RAB1B: variants seen among roughly 807,000 people sequenced by gnomAD.
RAB1B encodes the protein RAB1B, member RAS oncogene family, also known as ras-related protein Rab-1B.
Under a neutral mutation model 24.8 loss-of-function variants are expected in RAB1B, and 10 were observed. That is an observed-to-expected ratio of 0.40 (90% CI 0.25 to 0.68). The LOEUF is 0.68. RAB1B is among the 30% of genes least tolerant of loss of function. RAB1B has a pLI of 0.37. For synonymous variants in RAB1B, 99 were observed against 111.7 expected, an observed-to-expected ratio of 0.89 and a Z score of 0.72; for missense variants, 154 against 271.2, an observed-to-expected ratio of 0.57 and a Z score of 3.04.
intron 4 of RAB1B, among the ~76,000 whole-genome samples, chr11:66,273,573 A>T (rs575369280): frequency 6.6e-6 from 1 of 152,020 alleles, no homozygotes; most frequent in African/African-American, 2.4e-5. Context: ...GTGCTTCCCC[A>T]CTGCCCTGGA....
chr11:66,269,723 C>T (rs537001087), intron 1 of RAB1B: 1 of 152,358 alleles, frequency 6.6e-6, no homozygotes, highest in South Asian at 2.1e-4. Context: ...CTTCCCTTCT[C>T]TGGCCTCTGG....
intron 1 of RAB1B, chr11:66,271,521 A>T: frequency 4.4e-6 from 1 of 224,968 alleles, no homozygotes. Flanking sequence ...AAAATTAGCT[A>T]GAAGTGGTGG....
In RAB1B at chr11:66,274,790, G is replaced by A. The variant is rs1857115930; in HGVS notation, c.280-1014G>A. 2.5e-5 allele frequency among the ~76,000 whole-genome samples: 3 copies of A among 118,526 alleles called. No individual in the cohort carries two copies. The Admixed American group carries it at 3.5e-4, about 14-fold the overall frequency. 77.8% of individuals were successfully genotyped at this position (118,526 alleles called of 152,430 possible). On this transcript the variant is annotated intron_variant, in intron 4 of 5. Transcript: ENST00000311481. ...TTCCCCCTCCCTGTCCCCCCTCCCT[G>A]TTGAGTGTCTGCATCCCAGCAACAT...
rs375792546 is a variant in RAB1B, at chr11:66,272,353, A to G, written c.184-12A>G. On this transcript the variant is annotated splice_polypyrimidine_tract_variant and intron_variant, in intron 3 of 5. Coordinates refer to ENST00000311481, the MANE Select transcript of RAB1B (RefSeq NM_030981.3). ...CCTCAGCTGACCTGCTCCTCTGCCTACTGTCTCCTAGTGGGACACAGCGGG... is the reference window on the plus strand; with the variant it reads ...CCTCAGCTGACCTGCTCCTCTGCCTGCTGTCTCCTAGTGGGACACAGCGGG... 162 of 1,611,244 alleles carry G rather than the reference A, an allele frequency of 1.0e-4. No homozygotes were observed. The highest frequency in any genetic ancestry group is 1.3e-4 in the Admixed American group (8 of 59,960).
rs1857162725 is a variant in RAB1B, at chr11:66,277,055, C to T, written c.*817C>T. The T allele has an allele frequency of 6.5e-6, 1 of 152,834 alleles. No individual in the cohort carries two copies. The highest frequency in any genetic ancestry group is 2.4e-5 in the African/African-American group (1 of 41,460). 9.5% of individuals were successfully genotyped at this position (152,834 alleles called of 1,614,324 possible). A position where few individuals can be genotyped will look rare whatever the true frequency, so the allele number is the denominator to read the frequency against. On this transcript the variant is annotated 3_prime_UTR_variant, in exon 6 of 6. Transcript: ENST00000311481. The stretch of plus-strand genomic sequence containing the variant: ...TCTGCTAGCACCTCCTCCCTTTCCC[C>T]AAGGTAGCACATCTGGCTCACTCCC...
chr11:66,276,328 G>C lies in RAB1B; in HGVS notation c.*90G>C, dbSNP rs1035499520. The C allele has an allele frequency of 1.9e-5, 24 of 1,270,688 alleles. No individual in the cohort carries two copies. In the African/African-American group the frequency reaches 3.6e-4, roughly 19 times the overall value. The allele number at this position is 1,270,688 out of a possible 1,614,324, so 78.7% of individuals were successfully genotyped here. A position where few individuals can be genotyped will look rare whatever the true frequency, so the allele number is the denominator to read the frequency against. On this transcript the variant is annotated 3_prime_UTR_variant, in exon 6 of 6. Transcript: ENST00000311481. ...GAGGTACCTCCCTCTCCCTCTCCTGGGGCATTTGAGTCTGTGGCTTTGGGG... is the reference window on the plus strand; with the variant it reads ...GAGGTACCTCCCTCTCCCTCTCCTGCGGCATTTGAGTCTGTGGCTTTGGGG...
Position 66,268,742 on chromosome 11 carries a change from C to G in RAB1B, c.14+49C>G, listed in dbSNP as rs920329770. 3.3e-6 allele frequency: 5 copies of G among 1,529,996 alleles called. No homozygotes were observed. The African/African-American group carries it at 5.6e-5, about 17-fold the overall frequency. 94.8% of individuals were successfully genotyped at this position (1,529,996 alleles called of 1,614,324 possible). A position where few individuals can be genotyped will look rare whatever the true frequency, so the allele number is the denominator to read the frequency against. ...TCCAGCGCAGCCTCGATCCCGAATA[C>G]AGGGCTGTACGCTTACCGGGGTTGT... On this transcript the variant is annotated intron_variant, in intron 1 of 5. Transcript: ENST00000311481.
At chr11:66,272,514 CTCT>C in intron 4 of RAB1B, 54 bp downstream of exon 4, 1 of 1,198,282 alleles carries the variant, frequency 8.3e-7, no homozygotes, top group Non-Finnish European at 1.2e-6. Context: ...AGGTCTTTGA[CTCT>C]TCTTTTTCCT....
Position 66,277,132 on chromosome 11 carries a change from T to A in RAB1B, c.*894T>A, listed in dbSNP as rs1270383283. 6.5e-6 allele frequency: 1 copy of A among 152,792 alleles called. No homozygotes were observed. The highest frequency in any genetic ancestry group is 1.5e-5 in the Non-Finnish European group (1 of 68,136). 9.5% of individuals were successfully genotyped at this position (152,792 alleles called of 1,614,324 possible). On this transcript the variant is annotated 3_prime_UTR_variant, in exon 6 of 6. Transcript: ENST00000311481. ...AAGGCCCTCATCCCCTGCCGCTACTTCTCTGGGGAATGTGGGTTCCATCCA... is the reference window on the plus strand; with the variant it reads ...AAGGCCCTCATCCCCTGCCGCTACTACTCTGGGGAATGTGGGTTCCATCCA...
chr11:66,276,594 T>G lies in RAB1B; in HGVS notation c.*356T>G. The G allele has an allele frequency of 4.6e-6, 1 of 217,606 alleles. No individual in the cohort carries two copies. Among genetic ancestry groups the G allele is most frequent in the Non-Finnish European group, 9.0e-6 (1 of 111,486 alleles). The allele number at this position is 217,606 out of a possible 1,614,324, so 13.5% of individuals were successfully genotyped here. A position where few individuals can be genotyped will look rare whatever the true frequency, so the allele number is the denominator to read the frequency against. ...GCTGCACTGGGTTCTCTCCTTCTTC[T>G]TCCTGCTGTCCTGCCCAAGAACTGA... is the stretch of plus-strand genomic sequence containing the variant. On this transcript the variant is annotated 3_prime_UTR_variant, in exon 6 of 6. Coordinates refer to ENST00000311481, the MANE Select transcript of RAB1B (RefSeq NM_030981.3).
At chr11:66,274,605 A>T (rs1230266594) in intron 4 of RAB1B, among the ~76,000 whole-genome samples, 1 of 151,954 alleles carries the variant, frequency 6.6e-6, no homozygotes, top group Admixed American at 6.6e-5. Context: ...CATAGGTGTG[A>T]TCCTGTTGCT....
At chr11:66,269,509 G>T (rs945878471) in intron 1 of RAB1B, among the ~76,000 whole-genome samples, 1 of 152,200 alleles carries the variant, frequency 6.6e-6, no homozygotes, top group Non-Finnish European at 1.5e-5. Flanking sequence ...TTTTCCCCAA[G>T]TATCAGTTAT....
At position 66,276,035 on chromosome 11, in the gene RAB1B, C is replaced by T. The variant is rs754375900; in HGVS notation, c.412-9C>T. The T allele has an allele frequency of 1.2e-6, 2 of 1,611,802 alleles. No individual in the cohort carries two copies. The highest frequency in any genetic ancestry group is 1.3e-5 in the African/African-American group (1 of 74,882). ...CTCTCCCCTCCTCTTCTCTCCTCTC[C>T]CTTGTCAGGAGTTTGCAGACTCTCT... On this transcript the variant is annotated splice_polypyrimidine_tract_variant and intron_variant, in intron 5 of 5. Coordinates refer to ENST00000311481, the MANE Select transcript of RAB1B (RefSeq NM_030981.3).
intron 4 of RAB1B, among the ~76,000 whole-genome samples, chr11:66,275,206 C>T (rs1392209927): frequency 3.9e-5 from 6 of 152,178 alleles, no homozygotes; most frequent in Non-Finnish European, 7.3e-5. Flanking sequence ...TGAGCACTTT[C>T]CTGAAAGTCC....
chr11:66,270,663 T>A (rs1443077068), intron 1 of RAB1B: 1 of 152,220 alleles, frequency 6.6e-6, no homozygotes, highest in African/African-American at 2.4e-5. Flanking sequence ...CCTCCTCCTG[T>A]TTCAGCCTCC....
At position 66,276,216 on chromosome 11, in the gene RAB1B, C is replaced by A. The variant is rs1359853629; in HGVS notation, c.584C>A (p.Pro195Gln). Residue 195 changes from proline to glutamine, a missense_variant, in exon 6 of 6, where the codon CCG becomes CAG. By Grantham distance (76) the Pro-to-Gln change is moderately conservative. This residue lies in a region of RAB1B where 77 missense variants were observed against 97.8 expected (regional missense o/e 0.79). Coordinates refer to ENST00000311481, the MANE Select transcript of RAB1B (RefSeq NM_030981.3). Reference protein sequence around the residue: ...NLKIDSTPVKPAGGGCC With the variant: ...NLKIDSTPVKQAGGGCC Reference sequence around the variant, plus strand: ...AAGATCGACAGCACCCCTGTAAAGCCGGCTGGCGGTGGCTGTTGCTAGGAG... The same window carrying A: ...AAGATCGACAGCACCCCTGTAAAGCAGGCTGGCGGTGGCTGTTGCTAGGAG... 6.3e-7 allele frequency: 1 copy of A among 1,594,900 alleles called. No homozygotes were observed.
intron 3 of RAB1B, 28 bp downstream of exon 3, chr11:66,272,280 A>C: frequency 6.2e-7 from 1 of 1,604,132 alleles, no homozygotes; most frequent in Non-Finnish European, 8.5e-7. Context: ...CAAAATCCCC[A>C]GTACAGAGGT....
chr11:66,268,791 G>A (rs1856988299), intron 1 of RAB1B, 98 bp downstream of exon 1: 2 of 1,213,072 alleles, frequency 1.6e-6, no homozygotes, highest in African/African-American at 1.6e-5. Flanking sequence ...GGACTGTGCG[G>A]CGCCCCCACA....
chr11:66,273,280 C>G (rs754436263), intron 4 of RAB1B, among the ~76,000 whole-genome samples: 1 of 152,202 alleles, frequency 6.6e-6, no homozygotes, highest in African/African-American at 2.4e-5. Flanking sequence ...GAGGAGCAGC[C>G]GGGCTCTTTA....
Sources: gnomAD v4.1 joint callset for allele counts (sites outside exome capture counted in the v4.1 genomes callset) on GRCh38, gnomAD v4.1.1 for gene constraint, gnomAD v4.1.1 regional missense constraint, MANE v1.5 for transcripts, NCBI Gene and HGNC (gene_info 2026-07-23, HGNC 2026-07-21) for gene names.